Variants in CLRN1 observed in about 807,000 individuals in gnomAD.
CLRN1 encodes clarin-1.
CLRN1 carries 15 observed loss-of-function variants against 18.7 expected under a neutral mutation model. That is an observed-to-expected ratio of 0.80 (90% CI 0.54 to 1.23). The LOEUF (loss-of-function observed/expected upper bound fraction) is 1.23, where lower values mean the gene tolerates loss of function less well. Among genes scored for constraint, CLRN1 ranks in the 50% most tolerant of loss-of-function variants. CLRN1 has a pLI of 0.00. For synonymous variants in CLRN1, 104 were observed against 102.9 expected (o/e 1.01, Z -0.07); for missense variants, 311 against 277.5 (o/e 1.12, Z -0.86).
At position 150,927,965 on chromosome 3, in the gene CLRN1, T is replaced by C. The variant is rs764632225; in HGVS notation, c.670A>G (p.Thr224Ala). ...TACATTAGATCTGCAGCTACATTAG[T>C]TGTTTCTGCGTCTTTAGATTTTGCA... ...PFAKSKDAETTNVAADLMY is the reference protein window; with the variant it reads ...PFAKSKDAETANVAADLMY Residue 224 changes from threonine to alanine, a missense_variant, in exon 3 of 3, where the codon ACT becomes GCT. Thr to Ala is a moderately conservative substitution (Grantham distance 58). Transcript: ENST00000327047. 36 of 1,614,096 alleles carry C rather than the reference T, an allele frequency of 2.2e-5. 1 individual carries two copies. The Admixed American group carries it at 3.8e-4, about 17-fold the overall frequency.
intron 1 of CLRN1, among the ~76,000 whole-genome samples, chr3:150,951,310 T>C (rs796507222): frequency 1.3e-5 from 2 of 151,528 alleles, no homozygotes; most frequent in African/African-American, 4.8e-5. Context: ...TCTCATAGTC[T>C]CAGGTAAAGA....
At chr3:150,963,672 A>C (rs1715133188) in intron 1 of CLRN1, among the ~76,000 whole-genome samples, 1 of 152,220 alleles carries the variant, frequency 6.6e-6, no homozygotes, top group African/African-American at 2.4e-5. Context: ...TTATACTACA[A>C]GTCTACAGTA....
rs374962194 is a variant in CLRN1, at chr3:150,927,961, T to C, written c.674A>G (p.Asn225Ser). ...FAKSKDAETT[N>S]VAADLMY ...TCAGTACATTAGATCTGCAGCTACA[T>C]TAGTTGTTTCTGCGTCTTTAGATTT... is the stretch of plus-strand genomic sequence containing the variant. Residue 225 changes from asparagine to serine, a missense_variant, in exon 3 of 3, where the codon AAT becomes AGT. Asn to Ser is a conservative substitution (Grantham distance 46). Transcript: ENST00000327047. 9.9e-6 allele frequency: 16 copies of C among 1,614,080 alleles called. No homozygotes were observed. The highest frequency in any genetic ancestry group is 2.7e-5 in the African/African-American group (2 of 74,930).
chr3:150,949,559 G>T (rs1714378426), intron 1 of CLRN1, among the ~76,000 whole-genome samples: 1 of 152,064 alleles, frequency 6.6e-6, no homozygotes, highest in Non-Finnish European at 1.5e-5. Context: ...ACAATACCAA[G>T]CTGAGGGCCA....
chr3:150,927,406 T>A lies in CLRN1; in HGVS notation c.*530A>T, dbSNP rs1334560763. 3 of 448,566 alleles carry A rather than the reference T, an allele frequency of 6.7e-6. No individual in the cohort carries two copies. Among genetic ancestry groups the A allele is most frequent in the African/African-American group, 6.0e-5 (3 of 50,040 alleles). The allele number at this position is 448,566 out of a possible 1,614,324, so 27.8% of individuals were successfully genotyped here. A position where few individuals can be genotyped will look rare whatever the true frequency, so the allele number is the denominator to read the frequency against. On this transcript the variant is annotated 3_prime_UTR_variant, in exon 3 of 3. Coordinates refer to ENST00000327047, the MANE Select transcript of CLRN1 (RefSeq NM_174878.3). ...TCCTGAAGTGCTGGAATTACAGGTGTGAGTCACCACGCCTGGCCTAAGAGT... is the reference window on the plus strand; with the variant it reads ...TCCTGAAGTGCTGGAATTACAGGTGAGAGTCACCACGCCTGGCCTAAGAGT...
intron 2 of CLRN1, among the ~76,000 whole-genome samples, chr3:150,929,609 T>A (rs9840380): frequency 3.3e-5 from 5 of 151,812 alleles, no homozygotes; most frequent in Admixed American, 6.6e-5. Context: ...TGCATTTGGC[T>A]TTGTAATTGA....
intron 2 of CLRN1, chr3:150,940,442 G>T: frequency 6.6e-7 from 1 of 1,525,038 alleles, no homozygotes; most frequent in Non-Finnish European, 8.8e-7. Flanking sequence ...GGGTTGAATT[G>T]TATGAGAGAA....
At chr3:150,948,727 A>G (rs1296936052) in intron 1 of CLRN1, among the ~76,000 whole-genome samples, 1 of 152,042 alleles carries the variant, frequency 6.6e-6, no homozygotes, top group East Asian at 1.9e-4. Context: ...ATACCCTACC[A>G]ACTAAAAAAT....
intron 1 of CLRN1, chr3:150,945,521 G>A: frequency 7.8e-7 from 1 of 1,287,024 alleles, no homozygotes; most frequent in African/African-American, 1.5e-5. Flanking sequence ...AACTACATAT[G>A]TACATACATG....
At chr3:150,942,340 C>T (rs76607497) in intron 1 of CLRN1, among the ~76,000 whole-genome samples, 65 of 152,258 alleles carry the variant, frequency 4.3e-4, no homozygotes, top group African/African-American at 1.5e-3. Context: ...GTAGAAAACA[C>T]GCCAAATCTA....
intron 1 of CLRN1, 48 bp downstream of exon 1, chr3:150,972,408 A>AAG: frequency 1.9e-6 from 3 of 1,613,692 alleles, no homozygotes; most frequent in Non-Finnish European, 2.5e-6. Flanking sequence ...CAACACTGGG[A>AAG]AGAGTCTGCC....
chr3:150,949,523 A>G (rs1714375071), intron 1 of CLRN1, among the ~76,000 whole-genome samples: 1 of 152,210 alleles, frequency 6.6e-6, no homozygotes, highest in South Asian at 2.1e-4. Flanking sequence ...CAGGATACAA[A>G]AAATCACTAG....
chr3:150,928,258 G>A (rs1712941200), intron 2 of CLRN1, 57 bp from the exon 3 acceptor site: 1 of 1,599,352 alleles, frequency 6.3e-7, no homozygotes, highest in African/African-American at 1.3e-5. Context: ...AAGGGACAGG[G>A]AAGAGGGTCA....
At chr3:150,967,164 G>A (rs1267274804) in intron 1 of CLRN1, among the ~76,000 whole-genome samples, 1 of 152,160 alleles carries the variant, frequency 6.6e-6, no homozygotes, top group Admixed American at 6.5e-5. Flanking sequence ...GTTTGAAGGA[G>A]CACTGGGATG....
At chr3:150,954,624 A>G (rs759438446) in intron 1 of CLRN1, among the ~76,000 whole-genome samples, 11 of 152,198 alleles carry the variant, frequency 7.2e-5, no homozygotes, top group Non-Finnish European at 1.3e-4. Flanking sequence ...ATGAACTCCA[A>G]TTTATCAAGA....
intron 2 of CLRN1, among the ~76,000 whole-genome samples, chr3:150,933,996 T>C (rs1360473037): frequency 1.3e-5 from 2 of 152,182 alleles, no homozygotes; most frequent in Non-Finnish European, 2.9e-5. Context: ...CACAAATCCT[T>C]TATTCTTCCT....
chr3:150,936,486 C>A (rs756779937), intron 2 of CLRN1, among the ~76,000 whole-genome samples: 2 of 152,132 alleles, frequency 1.3e-5, no homozygotes, highest in Non-Finnish European at 2.9e-5. Flanking sequence ...AAGCCTGCTC[C>A]TCCCTTGTCT....
chr3:150,944,565 A>G (rs1390124615), intron 1 of CLRN1, among the ~76,000 whole-genome samples: 1 of 151,824 alleles, frequency 6.6e-6, no homozygotes, highest in African/African-American at 2.4e-5. Flanking sequence ...TTAAAAAAAA[A>G]AAAAAGAATC....
At chr3:150,969,486 C>T (rs911022442) in intron 1 of CLRN1, among the ~76,000 whole-genome samples, 3 of 151,028 alleles carry the variant, frequency 2.0e-5, no homozygotes, top group Non-Finnish European at 3.0e-5. Context: ...CCGCCACGCC[C>T]GGCTAATTTT....
Sources: gnomAD v4.1 joint callset for allele counts (sites outside exome capture counted in the v4.1 genomes callset) on GRCh38, gnomAD v4.1.1 for gene constraint, MANE v1.5 for transcripts, NCBI Gene and HGNC (gene_info 2026-07-23, HGNC 2026-07-21) for gene names.